The following DDHD1 variants were observed in gnomAD, a reference collection of about 807,000 sequenced individuals.
DDHD1 encodes DDHD domain containing 1.
Under a neutral mutation model 96.4 loss-of-function variants are expected in DDHD1, and 49 were observed. The observed-to-expected ratio is 0.51, with a 90% CI of 0.40 to 0.64. The LOEUF (loss-of-function observed/expected upper bound fraction) is 0.64, where lower values mean the gene tolerates loss of function less well. DDHD1 is among the 30% of genes least tolerant of loss of function. The pLI is 0.00. For missense variants in DDHD1, 1,106 were observed against 1,161.2 expected, an observed-to-expected ratio of 0.95 and a Z score of 0.69; for synonymous variants, 442 against 446.5, an observed-to-expected ratio of 0.99 and a Z score of 0.13.
chr14:53,118,716 G>C (rs1888743865), intron 1 of DDHD1, among the ~76,000 whole-genome samples: 1 of 152,172 alleles, frequency 6.6e-6, no homozygotes, highest in South Asian at 2.1e-4. Flanking sequence ...CGGGAGAATG[G>C]AACCAAGTTA....
intron 2 of DDHD1, among the ~76,000 whole-genome samples, chr14:53,094,175 T>TC (rs1886678230): frequency 7.7e-6 from 1 of 130,058 alleles, no homozygotes; most frequent in Admixed American, 7.9e-5. Flanking sequence ...AGACTCCGTC[T>TC]AAAAAAAAAA....
intron 1 of DDHD1, 138 bp downstream of exon 1, chr14:53,152,115 TCCCTGCTC>T: frequency 1.3e-6 from 1 of 789,732 alleles, no homozygotes; most frequent in Non-Finnish European, 1.9e-6. Flanking sequence ...CTGCCGACGC[TCCCTGCTC>T]AATCTCCATC....
chr14:53,145,435 C>A (rs540416914), intron 1 of DDHD1, among the ~76,000 whole-genome samples: 118 of 132,848 alleles, frequency 8.9e-4, no homozygotes, highest in African/African-American at 3.2e-3. Flanking sequence ...CCTGGGAGGT[C>A]AAGGCTGCAG....
At chr14:53,071,430 C>A (rs1331966725) in intron 6 of DDHD1, among the ~76,000 whole-genome samples, 5 of 151,934 alleles carry the variant, frequency 3.3e-5, no homozygotes, top group African/African-American at 9.6e-5. Context: ...TAAATGTGGC[C>A]CTATGTACTG....
Position 53,153,285 on chromosome 14 carries a change from G to C in DDHD1, c.-187C>G. 1 of 444,910 alleles carries C rather than the reference G, an allele frequency of 2.2e-6. No homozygotes were observed. Among genetic ancestry groups the C allele is most frequent in the Non-Finnish European group, 3.7e-6 (1 of 267,408 alleles). 27.6% of individuals were successfully genotyped at this position (444,910 alleles called of 1,614,324 possible). A position where few individuals can be genotyped will look rare whatever the true frequency, so the allele number is the denominator to read the frequency against. ...CCCGCAGCCGCCGCAGCTGCGTTCTGCCGCCGGCCCCATTGTCACGCAGCC... is the reference window on the plus strand; with the variant it reads ...CCCGCAGCCGCCGCAGCTGCGTTCTCCCGCCGGCCCCATTGTCACGCAGCC... On this transcript the variant is annotated 5_prime_UTR_variant, in exon 1 of 13. Transcript: ENST00000673822.
chr14:53,059,863 CAAAAAAAAAAAA>C (rs60708379), intron 8 of DDHD1, among the ~76,000 whole-genome samples: 3 of 18,514 alleles, frequency 1.6e-4, no homozygotes, highest in South Asian at 4.0e-3. Context: ...GACTCTGTCT[CAAAAAAAAAAAA>C]AAAAAAAAAA....
At chr14:53,136,136 C>A (rs1477825537) in intron 1 of DDHD1, among the ~76,000 whole-genome samples, 1 of 152,126 alleles carries the variant, frequency 6.6e-6, no homozygotes, top group African/African-American at 2.4e-5. Flanking sequence ...TTATGAGATC[C>A]ACCCCCTGCC....
chr14:53,047,192 C>CA (rs145245367), intron 12 of DDHD1, among the ~76,000 whole-genome samples: 44 of 150,080 alleles, frequency 2.9e-4, no homozygotes, highest in Middle Eastern at 3.5e-3. Context: ...TAAAGGAAGA[C>CA]AAAAAAAAAT....
intron 1 of DDHD1, among the ~76,000 whole-genome samples, chr14:53,119,457 G>A (rs755369052): frequency 3.3e-5 from 5 of 152,152 alleles, no homozygotes; most frequent in Non-Finnish European, 7.3e-5. Context: ...CATTTTATGA[G>A]GCCAGCCTCA....
rs957406664 is a variant in DDHD1, at chr14:53,046,768, T to C, written c.2703A>G (p.Ter901TrpextTer37). 1 of 1,587,768 alleles carries C rather than the reference T, an allele frequency of 6.3e-7. No individual in the cohort carries two copies. The change falls in exon 13 of 13, where the codon TGA becomes TGG. Residue 901 changes from the stop codon to tryptophan (W), a stop_lost. Transcript: ENST00000673822. ...DDAKPNLDPI[*>W] ...GGCCATTCATGTCCTTCAAGAGAGT[T>C]CAGATTGGATCTAAATTGGGTTTTG...
Position 53,041,552 on chromosome 14 carries a change from A to C in DDHD1, c.*5216T>G, listed in dbSNP as rs184928581. 1 of 152,368 alleles carries C rather than the reference A, an allele frequency of 6.6e-6. No homozygotes were observed. Among genetic ancestry groups the C allele is most frequent in the East Asian group, 1.9e-4 (1 of 5,186 alleles). 9.4% of individuals were successfully genotyped at this position (152,368 alleles called of 1,614,324 possible). A position where few individuals can be genotyped will look rare whatever the true frequency, so the allele number is the denominator to read the frequency against. ...GAATTGATAAAAGGCCCACATAAAC[A>C]CTATGGAAAGGAATGTTAAACATTA... is the stretch of plus-strand genomic sequence containing the variant. On this transcript the variant is annotated 3_prime_UTR_variant, in exon 13 of 13. Transcript: ENST00000673822.
chr14:53,141,802 A>AAT (rs1257850653), intron 1 of DDHD1, among the ~76,000 whole-genome samples: 42 of 152,188 alleles, frequency 2.8e-4, no homozygotes, highest in African/African-American at 1.0e-3. Context: ...AGTACATGAA[A>AAT]ATATATATAG....
At chr14:53,050,376 C>G (rs567321312) in intron 12 of DDHD1, among the ~76,000 whole-genome samples, 22 of 152,250 alleles carry the variant, frequency 1.4e-4, no homozygotes, top group African/African-American at 5.1e-4. Flanking sequence ...TCCAACAAAT[C>G]TAGCTATTCA....
chr14:53,062,035 CAAAAAAAAA>C (rs779302322), intron 7 of DDHD1, among the ~76,000 whole-genome samples: 1 of 76,820 alleles, frequency 1.3e-5, no homozygotes, highest in Non-Finnish European at 2.6e-5. Context: ...ACTCCGTCTC[CAAAAAAAAA>C]AAAAAAAAAA....
At chr14:53,151,900 G>T (rs773205363) in intron 1 of DDHD1, among the ~76,000 whole-genome samples, 1 of 152,202 alleles carries the variant, frequency 6.6e-6, no homozygotes, top group Non-Finnish European at 1.5e-5. Flanking sequence ...AGGCTGTTTA[G>T]GGTAAATGAG....
intron 6 of DDHD1, among the ~76,000 whole-genome samples, chr14:53,067,372 T>C (rs1275872346): frequency 6.6e-6 from 1 of 151,996 alleles, no homozygotes; most frequent in Non-Finnish European, 1.5e-5. Context: ...TTGGCCAGGC[T>C]GGTCTGAACT....
chr14:53,068,990 T>C (rs1461048617), intron 6 of DDHD1, among the ~76,000 whole-genome samples: 1 of 152,226 alleles, frequency 6.6e-6, no homozygotes, highest in Non-Finnish European at 1.5e-5. Context: ...TTCTCCTTTC[T>C]CCCCATTTAT....
At position 53,146,938 on chromosome 14, in the gene DDHD1, T is replaced by TG. The variant is rs779789059; in HGVS notation, c.838+5322_838+5323insC. Reference sequence around the variant, plus strand: ...CCTTCATCAATGCTGACAGTTTTTTTTTTTTTTTTTTTTTGTATAACATGC... The same window carrying TG: ...CCTTCATCAATGCTGACAGTTTTTTTGTTTTTTTTTTTTTTGTATAACATGC... On this transcript the variant is annotated intron_variant, in intron 1 of 12. Transcript: ENST00000673822. Among the ~76,000 whole-genome samples the TG allele has an allele frequency of 8.5e-3, 1,255 of 147,098 alleles. 12 individuals carry two copies. The highest frequency in any genetic ancestry group is 0.02 in the African/African-American group (818 of 40,278).
intron 1 of DDHD1, among the ~76,000 whole-genome samples, chr14:53,137,276 T>G (rs558522006): frequency 6.6e-6 from 1 of 151,870 alleles, no homozygotes; most frequent in East Asian, 1.9e-4. Flanking sequence ...GAAACTAAAG[T>G]GAAATACAAA....
Sources: gnomAD v4.1 joint callset for allele counts (sites outside exome capture counted in the v4.1 genomes callset) on GRCh38, gnomAD v4.1.1 for gene constraint, MANE v1.5 for transcripts, NCBI Gene and HGNC (gene_info 2026-07-23, HGNC 2026-07-21) for gene names.